The following SPG11 variants were observed in gnomAD, a reference collection of about 807,000 sequenced individuals.
The protein encoded by SPG11 is spatacsin.
In SPG11, 222 loss-of-function variants were observed where a neutral mutation model predicts 274.0. The ratio of observed to expected loss-of-function variants is 0.81; its 90% CI spans 0.73 to 0.91. The LOEUF (loss-of-function observed/expected upper bound fraction) is 0.91. Ranked by LOEUF, SPG11 falls within the 40% of genes least tolerant of loss-of-function variation. SPG11 has a pLI of 0.00. For missense variants in SPG11, 3,114 were observed against 2,872.7 expected, an observed-to-expected ratio of 1.08 and a Z score of -1.92; for synonymous variants, 1,144 against 1,039.7, an observed-to-expected ratio of 1.10 and a Z score of -1.93.
chr15:44,606,594 A>T (rs939214512), intron 19 of SPG11, among the ~76,000 whole-genome samples: 6 of 152,232 alleles, frequency 3.9e-5, no homozygotes, highest in African/African-American at 1.4e-4. Flanking sequence ...GAAGTCAATC[A>T]GAAAAGATCT....
At chr15:44,637,943 A>C (rs2084326381) in intron 7 of SPG11, among the ~76,000 whole-genome samples, 2 of 152,202 alleles carry the variant, frequency 1.3e-5, no homozygotes, top group Non-Finnish European at 1.5e-5. Flanking sequence ...TAGAGGTGGA[A>C]GACAGTGATA....
chr15:44,580,338 A>C (rs763377660), intron 30 of SPG11, among the ~76,000 whole-genome samples: 5 of 152,246 alleles, frequency 3.3e-5, no homozygotes, highest in Non-Finnish European at 4.4e-5. Flanking sequence ...AGATGTTTAC[A>C]CAGTGATGAA....
chr15:44,585,861 G>T lies in SPG11; in HGVS notation c.4907-11C>A. On this transcript the variant is annotated splice_polypyrimidine_tract_variant and intron_variant, in intron 28 of 39. Transcript: ENST00000261866. ...TTTTCACATCTGGACCTGTGCCAAA[G>T]AGAAAAGGATATAAACATTTAGTCA... The T allele has an allele frequency of 6.2e-7, 1 of 1,611,570 alleles. No homozygotes were observed. Among genetic ancestry groups the T allele is most frequent in the Non-Finnish European group, 8.5e-7 (1 of 1,178,462 alleles).
chr15:44,580,470 GA>G (rs1223797364), intron 30 of SPG11, among the ~76,000 whole-genome samples: 1 of 152,110 alleles, frequency 6.6e-6, no homozygotes, highest in Admixed American at 6.5e-5. Context: ...ACAACAGAGA[GA>G]AAAAAAGTTT....
chr15:44,663,461 G>C lies in SPG11; in HGVS notation c.187C>G (p.Leu63Val), dbSNP rs754196423. The change falls in exon 1 of 40, where the codon CTC (leucine) becomes GTC (valine). Residue 63 changes from leucine to valine, a missense_variant. Transcript: ENST00000261866. ...CCAGGCGTCAAAGAAAGCACTTGGA[G>C]GCTGCCCGCAGCCGTCAGGCTCCCC... is the stretch of plus-strand genomic sequence containing the variant. Reference protein sequence around the residue: ...ALGSLTAAGSLQVLSLTPGSR... With the variant: ...ALGSLTAAGSVQVLSLTPGSR... 11 of 1,597,582 alleles carry C rather than the reference G, an allele frequency of 6.9e-6. No individual in the cohort carries two copies. The highest frequency in any genetic ancestry group is 9.4e-6 in the Non-Finnish European group (11 of 1,172,930).
intron 7 of SPG11, among the ~76,000 whole-genome samples, chr15:44,641,586 T>TACACACAC (rs147901004): frequency 0.056 from 6,273 of 112,318 alleles, 261 homozygotes; most frequent in East Asian, 0.086. Flanking sequence ...CCAAATATCT[T>TACACACAC]ACACACACAC....
intron 30 of SPG11, among the ~76,000 whole-genome samples, chr15:44,578,019 CTTT>C (rs1179057683): frequency 2.0e-4 from 24 of 117,570 alleles, no homozygotes; most frequent in Middle Eastern, 5.4e-3. Flanking sequence ...GCCTTCTTTC[CTTT>C]TTTTTTTTTT....
chr15:44,623,082 G>A (rs1452342913), intron 11 of SPG11, among the ~76,000 whole-genome samples: 5 of 152,004 alleles, frequency 3.3e-5, no homozygotes, highest in Admixed American at 6.6e-5. Context: ...CCAAGTAGCT[G>A]GGGCTACAGG....
chr15:44,598,061 A>C (rs138742955), intron 23 of SPG11, among the ~76,000 whole-genome samples: 1 of 152,212 alleles, frequency 6.6e-6, no homozygotes, highest in African/African-American at 2.4e-5. Context: ...GAGAATTGCT[A>C]TCTTCACCCT....
At chr15:44,638,272 C>T (rs2084336105) in intron 7 of SPG11, among the ~76,000 whole-genome samples, 1 of 151,844 alleles carries the variant, frequency 6.6e-6, no homozygotes, top group Admixed American at 6.6e-5. Flanking sequence ...GAGCAGCCTG[C>T]CCAACATGGT....
rs755932220 is a variant in SPG11 at position 44,566,272 on chromosome 15, T to A, written c.6788A>T (p.Gln2263Leu). The A allele has an allele frequency of 2.5e-6, 4 of 1,614,178 alleles. No homozygotes were observed. The highest frequency in any genetic ancestry group is 1.1e-5 in the South Asian group (1 of 91,084). ...CAGAGTCAGGGCCTTCAGCAGCAGTTGTTTCAGCTGGTGCCCATCCTTGAG... is the reference window on the plus strand; with the variant it reads ...CAGAGTCAGGGCCTTCAGCAGCAGTAGTTTCAGCTGGTGCCCATCCTTGAG... ...DSLKDGHQLK[Q>L]LLLKALTLML... Residue 2263 changes from glutamine to leucine, a missense_variant, in exon 37 of 40, where the codon CAA becomes CTA. Coordinates refer to ENST00000261866, the MANE Select transcript of SPG11 (RefSeq NM_025137.4).
chr15:44,585,636 C>G lies in SPG11; in HGVS notation c.5121G>C (p.Glu1707Asp). 1 of 1,559,226 alleles carries G rather than the reference C, an allele frequency of 6.4e-7. No individual in the cohort carries two copies. The highest frequency in any genetic ancestry group is 8.8e-7 in the Non-Finnish European group (1 of 1,133,338). Residue 1707 changes from glutamate to aspartate, a missense_variant and splice_region_variant, in exon 29 of 40, where the codon GAG becomes GAC. Transcript: ENST00000261866. ...ELPVDNLVIK[E>D]ITQEMQTLKH... is the part of the protein sequence containing the mutation. ...AAAAAAAAAAAAAGACCGATGATAC[C>G]TCTTTAATAACCAAGTTGTCCACAG... is the stretch of plus-strand genomic sequence containing the variant.
At chr15:44,652,410 G>C in intron 4 of SPG11, 144 bp from the exon 5 acceptor site, 1 of 858,564 alleles carries the variant, frequency 1.2e-6, no homozygotes, top group Non-Finnish European at 1.9e-6. Flanking sequence ...TATCTCCCTT[G>C]CTTATGTCAC....
chr15:44,570,257 A>G (rs2082393607), intron 34 of SPG11, among the ~76,000 whole-genome samples: 1 of 152,156 alleles, frequency 6.6e-6, no homozygotes, highest in African/African-American at 2.4e-5. Flanking sequence ...CTATCTAGAA[A>G]AGTTAACTGC....
intron 1 of SPG11, among the ~76,000 whole-genome samples, chr15:44,660,864 T>A (rs1332913579): frequency 1.3e-5 from 2 of 152,122 alleles, no homozygotes; most frequent in African/African-American, 4.8e-5. Flanking sequence ...GAGCAAGAAA[T>A]GATGGCTCCA....
At chr15:44,615,681 C>T in intron 15 of SPG11, 115 bp from the exon 16 acceptor site, 1 of 924,916 alleles carries the variant, frequency 1.1e-6, no homozygotes, top group South Asian at 1.4e-5. Context: ...CAAATTAATG[C>T]TGCCAGTTCT....
chr15:44,662,650 TAAA>T (rs527806518), intron 1 of SPG11, among the ~76,000 whole-genome samples: 4 of 91,176 alleles, frequency 4.4e-5, no homozygotes, highest in South Asian at 3.4e-4. Flanking sequence ...ACCTTATCTT[TAAA>T]AAAAAAAAAA....
intron 7 of SPG11, among the ~76,000 whole-genome samples, chr15:44,643,410 C>T (rs1451451348): frequency 2.0e-5 from 3 of 152,112 alleles, no homozygotes; most frequent in African/African-American, 4.8e-5. Flanking sequence ...ATTTTTCTTA[C>T]AATGATATTT....
chr15:44,572,613 T>G (rs761517054), intron 33 of SPG11, 70 bp downstream of exon 33: 214 of 1,558,698 alleles, frequency 1.4e-4, no homozygotes, highest in Non-Finnish European at 1.7e-4. Context: ...AATCAAGTTT[T>G]GGAGAGACTG....
Sources: allele counts gnomAD v4.1 joint callset (sites outside exome capture counted in the v4.1 genomes callset), GRCh38; gene constraint gnomAD v4.1.1; transcripts MANE v1.5; gene names NCBI Gene and HGNC (gene_info 2026-07-23, HGNC 2026-07-21).